Variants in NKAIN2 observed in about 807,000 individuals in gnomAD.
The protein encoded by NKAIN2 is sodium/potassium transporting ATPase interacting 2.
In NKAIN2, 14 loss-of-function variants were observed where a neutral mutation model predicts 32.6. The ratio of observed to expected loss-of-function variants is 0.43; its 90% CI spans 0.28 to 0.67. The LOEUF (loss-of-function observed/expected upper bound fraction) is 0.67. Ranked by LOEUF, NKAIN2 falls within the 30% of genes least tolerant of loss-of-function variation. The probability of loss-of-function intolerance (pLI) is 0.17; values close to 1 mark genes in which losing one functional copy is unlikely to be tolerated. For missense variants in NKAIN2, 198 were observed against 258.3 expected, an observed-to-expected ratio of 0.77 and a Z score of 1.60; for synonymous variants, 80 against 87.2, an observed-to-expected ratio of 0.92 and a Z score of 0.46.
intron 1 of NKAIN2, among the ~76,000 whole-genome samples, chr6:123,988,657 T>C (rs1330503795): frequency 1.3e-5 from 2 of 152,210 alleles, no homozygotes; most frequent in Non-Finnish European, 2.9e-5. Context: ...TTAGGTTTGA[T>C]CTACTTTTCT....
rs1232880978 is a variant in NKAIN2, at chr6:123,853,837, A to G, written c.54+49583A>G. ...GCCCAAGCTGGAGTGCAGTGGCGCT[A>G]TCTCAGCTCACTGCAACCTCCACCT... On this transcript the variant is annotated intron_variant, in intron 1 of 6. Transcript: ENST00000368417. 5.3e-5 allele frequency among the ~76,000 whole-genome samples: 8 copies of G among 150,294 alleles called. No individual in the cohort carries two copies. In the Admixed American group the frequency reaches 5.3e-4, roughly 10 times the overall value.
At chr6:124,668,216 GTTAT>G (rs1376604643) in intron 4 of NKAIN2, among the ~76,000 whole-genome samples, 2 of 152,148 alleles carry the variant, frequency 1.3e-5, no homozygotes, top group Admixed American at 6.6e-5. Context: ...CAAGGAAGCA[GTTAT>G]TTGTCACGTG....
At chr6:124,283,273 T>C (rs1203645091) in intron 2 of NKAIN2, 131 bp downstream of exon 2, 6 of 611,170 alleles carry the variant, frequency 9.8e-6, no homozygotes, top group Non-Finnish European at 1.4e-5. Context: ...TACCATGTGT[T>C]TATTTTCATA....
chr6:124,219,617 A>G (rs1007332718), intron 1 of NKAIN2, among the ~76,000 whole-genome samples: 1 of 152,096 alleles, frequency 6.6e-6, no homozygotes, highest in Non-Finnish European at 1.5e-5. Flanking sequence ...AGAATCTGTT[A>G]AGTGTAGAAG....
At chr6:124,515,905 A>G (rs9401750) in intron 3 of NKAIN2, among the ~76,000 whole-genome samples, 13,764 of 151,786 alleles carry the variant, frequency 0.091, 938 homozygotes, top group East Asian at 0.31. Flanking sequence ...CCATCAAAAA[A>G]TGCTTTCATT....
intron 1 of NKAIN2, among the ~76,000 whole-genome samples, chr6:123,970,111 A>T (rs545064323): frequency 2.1e-4 from 16 of 76,898 alleles, no homozygotes; most frequent in African/African-American, 5.8e-4. Context: ...TATTAAATGG[A>T]TATATATATA....
At chr6:124,282,232 A>G (rs1916790) in intron 1 of NKAIN2, 44,548 of 334,036 alleles carry the variant, frequency 0.13, 3,699 homozygotes, top group African/African-American at 0.25. Flanking sequence ...ATAGTTGTGA[A>G]CACAGATGAA....
At chr6:124,079,251 G>A (rs1783839041) in intron 1 of NKAIN2, among the ~76,000 whole-genome samples, 1 of 152,130 alleles carries the variant, frequency 6.6e-6, no homozygotes, top group Non-Finnish European at 1.5e-5. Context: ...CTGGGAGGCA[G>A]AGGTTGTAGT....
intron 3 of NKAIN2, among the ~76,000 whole-genome samples, chr6:124,511,562 C>T (rs1447079237): frequency 6.6e-6 from 1 of 152,150 alleles, no homozygotes; most frequent in Non-Finnish European, 1.5e-5. Flanking sequence ...ACCTTGCCTT[C>T]AGATTTTCTC....
At chr6:124,308,391 T>A (rs1796596198) in intron 2 of NKAIN2, among the ~76,000 whole-genome samples, 1 of 152,178 alleles carries the variant, frequency 6.6e-6, no homozygotes, top group Non-Finnish European at 1.5e-5. Context: ...AATTTTTATA[T>A]GCCTGAAGAA....
At chr6:124,555,407 C>T (rs956963912) in intron 3 of NKAIN2, among the ~76,000 whole-genome samples, 5 of 152,204 alleles carry the variant, frequency 3.3e-5, no homozygotes, top group Admixed American at 6.5e-5. Flanking sequence ...TCCTCTATGA[C>T]AAGAACTTAC....
At chr6:124,799,044 A>G (rs917720574) in intron 5 of NKAIN2, among the ~76,000 whole-genome samples, 6 of 152,230 alleles carry the variant, frequency 3.9e-5, no homozygotes, top group Admixed American at 1.3e-4. Flanking sequence ...TCAGAATTCA[A>G]TGTATTCAGA....
intron 1 of NKAIN2, among the ~76,000 whole-genome samples, chr6:124,167,643 T>C (rs1380825727): frequency 1.3e-5 from 2 of 152,194 alleles, no homozygotes; most frequent in Non-Finnish European, 2.9e-5. Context: ...CAGTATGATA[T>C]TGGCTGTGGT....
intron 1 of NKAIN2, among the ~76,000 whole-genome samples, chr6:124,213,296 T>C (rs1176401012): frequency 6.6e-6 from 1 of 152,164 alleles, no homozygotes; most frequent in Admixed American, 6.6e-5. Context: ...CAAATCTGCA[T>C]TGGGTACTCA....
intron 3 of NKAIN2, among the ~76,000 whole-genome samples, chr6:124,409,499 T>C (rs1244921428): frequency 6.6e-6 from 1 of 152,366 alleles, no homozygotes; most frequent in East Asian, 1.9e-4. Context: ...ATTACGTTTA[T>C]TGATTTTCCT....
At chr6:124,168,577 A>G (rs1788690446) in intron 1 of NKAIN2, among the ~76,000 whole-genome samples, 1 of 151,878 alleles carries the variant, frequency 6.6e-6, no homozygotes, top group African/African-American at 2.4e-5. Flanking sequence ...TGTGTGGTCT[A>G]CACACTAAGA....
At chr6:124,409,053 G>C (rs1057322915) in intron 3 of NKAIN2, among the ~76,000 whole-genome samples, 6 of 152,194 alleles carry the variant, frequency 3.9e-5, no homozygotes, top group African/African-American at 1.4e-4. Flanking sequence ...TGTATCCTGA[G>C]ACTTTGCTGA....
chr6:124,053,434 C>A lies in NKAIN2; in HGVS notation c.55-229571C>A, dbSNP rs937849243. The stretch of plus-strand genomic sequence containing the variant: ...ATCAGCATTTGCTAAGCATTAAACA[C>A]CACCTGTCTTAAACCTCGGCAACAG... On this transcript the variant is annotated intron_variant, in intron 1 of 6. Coordinates refer to ENST00000368417, the MANE Select transcript of NKAIN2 (RefSeq NM_001040214.3). Among the ~76,000 whole-genome samples, 12 of 152,068 alleles carry A rather than the reference C, an allele frequency of 7.9e-5. 1 individual carries two copies. Among genetic ancestry groups the A allele is most frequent in the Non-Finnish European group, 1.2e-4 (8 of 67,996 alleles).
At chr6:123,911,753 T>C (rs1310780919) in intron 1 of NKAIN2, among the ~76,000 whole-genome samples, 1 of 135,642 alleles carries the variant, frequency 7.4e-6, no homozygotes, top group Non-Finnish European at 1.6e-5. Context: ...TCTGTATTAA[T>C]ATAAAATAGT....
Sources: allele counts gnomAD v4.1 joint callset (sites outside exome capture counted in the v4.1 genomes callset), GRCh38; gene constraint gnomAD v4.1.1; transcripts MANE v1.5; gene names NCBI Gene and HGNC (gene_info 2026-07-23, HGNC 2026-07-21).